MISP: variants seen among roughly 807,000 people sequenced by gnomAD.
The protein encoded by MISP is mitotic spindle positioning, also known as mitotic interactor and substrate of PLK1.
Under a neutral mutation model 49.3 loss-of-function variants are expected in MISP, and 51 were observed. That is an observed-to-expected ratio of 1.03 (90% CI 0.83 to 1.31). MISP has a LOEUF of 1.31. Ranked by LOEUF, MISP falls within the 50% of genes most tolerant of loss-of-function variation. MISP has a pLI of 0.00. For missense variants in MISP, 1,084 were observed against 935.1 expected (o/e 1.16, Z -2.08); for synonymous variants, 444 against 392.6 (o/e 1.13, Z -1.55).
upstream of MISP, among the ~76,000 whole-genome samples, chr19:750,778 G>A (rs1028530242): frequency 6.6e-6 from 1 of 152,194 alleles, no homozygotes; most frequent in Non-Finnish European, 1.5e-5. Context: ...AGGAGACACA[G>A]GCCACTGTGC....
At chr19:761,775 G>A (rs1386242276) in intron 4 of MISP, 112 bp downstream of exon 4, 3 of 1,158,886 alleles carry the variant, frequency 2.6e-6, no homozygotes, top group African/African-American at 3.0e-5. Context: ...CGTATTGGGT[G>A]TCTTCTCAAT....
At chr19:748,866 C>T (rs956330249), upstream of MISP, among the ~76,000 whole-genome samples, 6 of 152,204 alleles carry the variant, frequency 3.9e-5, no homozygotes, top group Admixed American at 6.5e-5. Context: ...TGGCCGGGCA[C>T]GGTGTTTCAC....
rs150790193 is a variant in MISP at position 751,243 on chromosome 19, TG to T, written c.-58+75del. ...GGGGCGGTTGGATCCACATTTGGCG[TG>T]GGAGCGTCATGTGTCTGTGGGCGGG... On this transcript the variant is annotated intron_variant, in intron 1 of 4. Coordinates refer to ENST00000215582, the MANE Select transcript of MISP (RefSeq NM_173481.4). The T allele has an allele frequency of 6.8e-3, 1,037 of 152,086 alleles. 11 individuals are homozygous for T. The highest frequency in any genetic ancestry group is 0.023 in the African/African-American group (953 of 41,470). 9.4% of individuals were successfully genotyped at this position (152,086 alleles called of 1,614,324 possible).
chr19:758,896 T>A (rs1417627186), intron 2 of MISP, among the ~76,000 whole-genome samples, 170 bp downstream of exon 2: 1 of 152,212 alleles, frequency 6.6e-6, no homozygotes, highest in Non-Finnish European at 1.5e-5. Flanking sequence ...CTATTAAAAA[T>A]GTAGATTTTG....
rs747524912 is a variant in MISP, at chr19:758,596, G to A, written c.1650G>A (p.Glu550=). ...KSQSSDLLER[E]RESVLRREQE... The stretch of plus-strand genomic sequence containing the variant: ...AGTCATCTGATCTGCTGGAAAGGGA[G>A]AGGGAGAGTGTCCTGCGCCGGGAGC... Residue 550 remains glutamate, a synonymous_variant, in exon 2 of 5, where the codon GAG becomes GAA. Transcript: ENST00000215582. 1.9e-6 allele frequency: 3 copies of A among 1,614,264 alleles called. No individual in the cohort carries two copies. Among genetic ancestry groups the A allele is most frequent in the East Asian group, 4.5e-5 (2 of 44,888 alleles).
In MISP at chr19:756,939, C is replaced by T. The variant is rs776869493; in HGVS notation, c.-8C>T. On this transcript the variant is annotated 5_prime_UTR_variant, in exon 2 of 5. Transcript: ENST00000215582. ...GGGAGGAAGGCTGAGGCCAAGACCC[C>T]GGAAGAGATGGACCGCGTGACCAGA... 2.0e-5 allele frequency: 30 copies of T among 1,530,368 alleles called. No individual in the cohort carries two copies. The highest frequency in any genetic ancestry group is 6.3e-5 in the South Asian group (5 of 79,850). 94.8% of individuals were successfully genotyped at this position (1,530,368 alleles called of 1,614,324 possible).
At chr19:759,091 T>TC (rs2033629338) in intron 2 of MISP, among the ~76,000 whole-genome samples, 1 of 152,112 alleles carries the variant, frequency 6.6e-6, no homozygotes, top group African/African-American at 2.4e-5. Context: ...TGGCAGGATC[T>TC]CAACTCACTG....
At position 758,404 on chromosome 19, in the gene MISP, G is replaced by T. The variant is rs1288191324; in HGVS notation, c.1458G>T (p.Lys486Asn). 1 of 1,614,216 alleles carries T rather than the reference G, an allele frequency of 6.2e-7. No homozygotes were observed. ...KPLSTKQEAS[K>N]PPRGCPQANR... is the part of the protein sequence containing the mutation. Reference sequence around the variant, plus strand: ...TGAGCACAAAGCAAGAGGCATCGAAGCCCCCTCGGGGATGCCCGCAAGCCA... The same window carrying T: ...TGAGCACAAAGCAAGAGGCATCGAATCCCCCTCGGGGATGCCCGCAAGCCA... The change falls in exon 2 of 5, where the codon AAG (lysine) becomes AAT (asparagine). Residue 486 changes from lysine to asparagine, a missense_variant. By Grantham distance (94) the Lys-to-Asn change is moderately conservative (BLOSUM62 0). Coordinates refer to ENST00000215582, the MANE Select transcript of MISP (RefSeq NM_173481.4).
intron 1 of MISP, among the ~76,000 whole-genome samples, chr19:755,806 C>T (rs547788694): frequency 1.3e-5 from 2 of 152,132 alleles, no homozygotes; most frequent in East Asian, 1.9e-4. Context: ...GGGAGGTTAG[C>T]GCCTGTAATC....
At chr19:763,443 G>A in intron 4 of MISP, 58 bp from the exon 5 acceptor site, 2 of 1,260,102 alleles carry the variant, frequency 1.6e-6, no homozygotes, top group South Asian at 2.4e-5. Context: ...AGTTGGAGGA[G>A]ACATCTTGGG....
At chr19:750,249 G>C (rs556604740), upstream of MISP, among the ~76,000 whole-genome samples, 56 of 146,966 alleles carry the variant, frequency 3.8e-4, no homozygotes, top group South Asian at 0.011. Flanking sequence ...GCCCAGGCTG[G>C]AGTGCAGTGG....
At chr19:755,289 G>A (rs1203761196) in intron 1 of MISP, among the ~76,000 whole-genome samples, 2 of 152,198 alleles carry the variant, frequency 1.3e-5, no homozygotes, top group Non-Finnish European at 2.9e-5. Context: ...TCACCCGCTC[G>A]CTCCACGGCC....
chr19:757,038 A>G lies in MISP; in HGVS notation c.92A>G (p.Tyr31Cys). The change falls in exon 2 of 5, where the codon TAC becomes TGC. Residue 31 changes from tyrosine (Y) to cysteine (C), a missense_variant. Tyr to Cys is a radical substitution (Grantham distance 194). Coordinates refer to ENST00000215582, the MANE Select transcript of MISP (RefSeq NM_173481.4). Reference sequence around the variant, plus strand: ...CTGGATGGAGACACCAGCTACACATACCATCTGGTGTGCATGGGCCCCGAG... The same window carrying G: ...CTGGATGGAGACACCAGCTACACATGCCATCTGGTGTGCATGGGCCCCGAG... ...LVLDGDTSYT[Y>C]HLVCMGPEAS... 6.2e-7 allele frequency: 1 copy of G among 1,607,932 alleles called. No homozygotes were observed. The highest frequency in any genetic ancestry group is 1.1e-5 in the South Asian group (1 of 90,332).
In MISP at chr19:761,815, T is replaced by G. The variant is rs2033676731; in HGVS notation, c.1950+152T>G. ...AGTGTCTGCTCAGGGTGGATTTTGC[T>G]GTGATCTGCTTGTGATGTCTGCCAT... On this transcript the variant is annotated intron_variant, in intron 4 of 4. Coordinates refer to ENST00000215582, the MANE Select transcript of MISP (RefSeq NM_173481.4). The G allele has an allele frequency of 4.9e-6, 4 of 810,048 alleles. No homozygotes were observed. In the Admixed American group the frequency reaches 8.6e-5, roughly 17 times the overall value. 50.2% of individuals were successfully genotyped at this position (810,048 alleles called of 1,614,324 possible).
intron 1 of MISP, among the ~76,000 whole-genome samples, chr19:756,243 C>T (rs113537409): frequency 0.018 from 2,670 of 152,222 alleles, 83 homozygotes; most frequent in African/African-American, 0.06. Context: ...GAAGAGGGTC[C>T]CATCTTCTGC....
chr19:752,358 T>C (rs1166743026), intron 1 of MISP, among the ~76,000 whole-genome samples: 1 of 152,028 alleles, frequency 6.6e-6, no homozygotes, highest in Non-Finnish European at 1.5e-5. Context: ...ACCCCATCTC[T>C]ACTAAAAATA....
At chr19:754,786 G>T (rs2033519476) in intron 1 of MISP, among the ~76,000 whole-genome samples, 1 of 152,220 alleles carries the variant, frequency 6.6e-6, no homozygotes, top group Non-Finnish European at 1.5e-5. Flanking sequence ...GAAACAGGCA[G>T]CCTCGAGACA....
Position 757,608 on chromosome 19 carries a change from C to T in MISP, c.662C>T (p.Ala221Val), listed in dbSNP as rs574436750. 36 of 1,612,482 alleles carry T rather than the reference C, an allele frequency of 2.2e-5. No homozygotes were observed. The highest frequency in any genetic ancestry group is 3.0e-5 in the Non-Finnish European group (35 of 1,179,638). Reference protein sequence around the residue: ...PHSSPARGTPAGTTPGASQAP... With the variant: ...PHSSPARGTPVGTTPGASQAP... ...AGCTCCCCGGCCAGGGGGACCCCTG[C>T]AGGCACAACCCCAGGGGCCAGCCAG... Residue 221 changes from alanine to valine, a missense_variant, in exon 2 of 5, where the codon GCA (alanine) becomes GTA (valine). Coordinates refer to ENST00000215582, the MANE Select transcript of MISP (RefSeq NM_173481.4).
upstream of MISP, among the ~76,000 whole-genome samples, chr19:748,674 T>C (rs1000590603): frequency 3.3e-5 from 5 of 152,050 alleles, no homozygotes; most frequent in African/African-American, 1.2e-4. Context: ...ACCCACAAGC[T>C]CTGTAGAGAA....
Sources: gnomAD v4.1 joint callset for allele counts (sites outside exome capture counted in the v4.1 genomes callset) on GRCh38, gnomAD v4.1.1 for gene constraint, MANE v1.5 for transcripts, NCBI Gene and HGNC (gene_info 2026-07-23, HGNC 2026-07-21) for gene names.